Variants in OPLAH observed in about 807,000 individuals in gnomAD.
OPLAH encodes the protein 5-oxoprolinase.
In OPLAH, 103 loss-of-function variants were observed where a neutral mutation model predicts 122.8. The ratio of observed to expected loss-of-function variants is 0.84; its 90% CI spans 0.71 to 0.99. The LOEUF (loss-of-function observed/expected upper bound fraction) is 0.99. OPLAH is among the 50% of genes least tolerant of loss of function. The pLI, the probability that OPLAH is intolerant of heterozygous loss-of-function variation, is 0.00. For missense variants in OPLAH, 1,902 were observed against 1,836.5 expected (o/e 1.04, Z -0.65); for synonymous variants, 875 against 796.0 (o/e 1.10, Z -1.67).
Position 144,052,615 on chromosome 8 carries a change from G to T in OPLAH, c.3154-17C>A, listed in dbSNP as rs782283856. The stretch of plus-strand genomic sequence containing the variant: ...CAGGCAGCCCTGTGCGGGGCGGGCG[G>T]CTCTCAGGAGCTCTTGGGGTGGGCT... On this transcript the variant is annotated splice_polypyrimidine_tract_variant and intron_variant, in intron 22 of 26. Coordinates refer to ENST00000618853, the MANE Select transcript of OPLAH (RefSeq NM_017570.5). The T allele has an allele frequency of 1.3e-6, 2 of 1,576,218 alleles. No individual in the cohort carries two copies. The highest frequency in any genetic ancestry group is 1.8e-5 in the Admixed American group (1 of 56,776).
chr8:144,050,448 C>T, downstream of OPLAH: 1 of 985,686 alleles, frequency 1.0e-6, no homozygotes, highest in Non-Finnish European at 1.2e-6. Flanking sequence ...ACTTCGATAA[C>T]TGCTGGAAAG....
Position 144,053,266 on chromosome 8 carries a change from C to T in OPLAH, c.2814G>A (p.Gly938=). Residue 938 remains glycine (G), a synonymous_variant, in exon 20 of 27, where the codon GGG becomes GGA. Transcript: ENST00000618853. ...AANQKGIQLV[G]ELIGQYGLDV... is the part of the protein sequence containing the mutation. Reference sequence around the variant, plus strand: ...CCAGGCCGTACTGCCCAATGAGCTCCCCCACCAGCTGGATGCCCTTCTGGT... The same window carrying T: ...CCAGGCCGTACTGCCCAATGAGCTCTCCCACCAGCTGGATGCCCTTCTGGT... The T allele has an allele frequency of 1.9e-6, 3 of 1,613,032 alleles. No homozygotes were observed. The highest frequency in any genetic ancestry group is 2.5e-6 in the Non-Finnish European group (3 of 1,179,814).
chr8:144,062,562 C>T (rs1016945950), upstream of OPLAH, among the ~76,000 whole-genome samples: 4 of 152,216 alleles, frequency 2.6e-5, no homozygotes, highest in African/African-American at 9.6e-5. Context: ...CACACTCCTG[C>T]GGGACTGCCC....
At chr8:144,057,369 G>A (rs1554759540) in intron 10 of OPLAH, 49 bp from the exon 11 acceptor site, 1 of 1,583,948 alleles carries the variant, frequency 6.3e-7, no homozygotes, top group South Asian at 1.1e-5. Flanking sequence ...ACCCCATCCA[G>A]CCCCCAGCCT....
rs532544021 is a variant in OPLAH, at chr8:144,055,440, C to T, written c.2249-251G>A. On this transcript the variant is annotated intron_variant, in intron 16 of 26. Transcript: ENST00000618853. The surrounding 1 kb of genome is among the most constrained non-coding windows in gnomAD (Gnocchi z 6.5). ...AGTGCCACCCCTCGACCCTCCCACC[C>T]TGCCTGGCACAGCAAGAACCTGGTT... 4.7e-4 allele frequency among the ~76,000 whole-genome samples: 72 copies of T among 152,278 alleles called. No individual in the cohort carries two copies. The highest frequency in any genetic ancestry group is 1.4e-3 in the African/African-American group (60 of 41,560).
Position 144,059,845 on chromosome 8 carries a change from G to T in OPLAH, c.171+17C>A, listed in dbSNP as rs1450665581. ...CTGGCCGTGGGGTCCCTGTCCACCCGCTCCGCCCTGGCCCACCTGCTCCAG... is the reference window on the plus strand; with the variant it reads ...CTGGCCGTGGGGTCCCTGTCCACCCTCTCCGCCCTGGCCCACCTGCTCCAG... On this transcript the variant is annotated intron_variant, in intron 2 of 26. Transcript: ENST00000618853. 6.2e-7 allele frequency: 1 copy of T among 1,612,178 alleles called. No individual in the cohort carries two copies. Among genetic ancestry groups the T allele is most frequent in the Non-Finnish European group, 8.5e-7 (1 of 1,179,692 alleles).
rs549502677 is a variant in OPLAH at position 144,058,345 on chromosome 8, G to A, written c.843C>T (p.Ser281=). The A allele has an allele frequency of 6.3e-6, 10 of 1,597,230 alleles. No homozygotes were observed. In the African/African-American group the frequency reaches 6.7e-5, roughly 11 times the overall value. ...DGGLAPMDTF[S]GSSAVLSGPA... ...GGCCCGAGAGCACAGCACTGGAGCCGCTGAAGGTGTCCATGGGCGCCAGGC... is the reference window on the plus strand; with the variant it reads ...GGCCCGAGAGCACAGCACTGGAGCCACTGAAGGTGTCCATGGGCGCCAGGC... The change falls in exon 7 of 27, where the codon AGC becomes AGT. Residue 281 remains serine, a synonymous_variant. Coordinates refer to ENST00000618853, the MANE Select transcript of OPLAH (RefSeq NM_017570.5).
At position 144,054,526 on chromosome 8, in the gene OPLAH, C is replaced by T. The variant is rs782182946; in HGVS notation, c.2686+35G>A. On this transcript the variant is annotated intron_variant, in intron 19 of 26. Coordinates refer to ENST00000618853, the MANE Select transcript of OPLAH (RefSeq NM_017570.5). ...GCCAGCAGTGGCCATGTGTCCCAGC[C>T]TACAGAAGGCCTGCCCCACCCCACT... The T allele has an allele frequency of 1.9e-6, 3 of 1,539,636 alleles. No individual in the cohort carries two copies. The South Asian group carries it at 3.8e-5, about 19-fold the overall frequency.
chr8:144,051,720 G>A lies in OPLAH; in HGVS notation c.3720+9C>T. On this transcript the variant is annotated intron_variant, in intron 26 of 26. Transcript: ENST00000618853. The stretch of plus-strand genomic sequence containing the variant: ...AGGGGAGGGGGACAGGACAGGCCGC[G>A]GCCCTTACCCCGGGGTACACGGTCA... The A allele has an allele frequency of 1.3e-6, 2 of 1,591,790 alleles. No homozygotes were observed. The highest frequency in any genetic ancestry group is 2.3e-5 in the South Asian group (2 of 88,384).
chr8:144,050,632 TCG>T, downstream of OPLAH: 3 of 985,392 alleles, frequency 3.0e-6, no homozygotes, highest in Non-Finnish European at 3.6e-6. Flanking sequence ...GCCCTGGGTA[TCG>T]CGCTTGGGGG....
chr8:144,050,395 A>C, downstream of OPLAH: 5 of 985,508 alleles, frequency 5.1e-6, no homozygotes, highest in Non-Finnish European at 6.0e-6. Flanking sequence ...CAGAGAACAA[A>C]GTGGAGAGGT....
In OPLAH at chr8:144,056,139, C is replaced by T. The variant is rs372984548; in HGVS notation, c.2096+8G>A. 8.7e-4 allele frequency: 1,395 copies of T among 1,600,452 alleles called. 1 individual carries two copies. The highest frequency in any genetic ancestry group is 1.2e-3 in the Middle Eastern group (7 of 5,960). ...CACATCCTCCACCCTGGCCGGACTTCAGCCCACCTGTTACTGTCGATGATG... is the reference window on the plus strand; with the variant it reads ...CACATCCTCCACCCTGGCCGGACTTTAGCCCACCTGTTACTGTCGATGATG... On this transcript the variant is annotated splice_region_variant and intron_variant, in intron 15 of 26. Coordinates refer to ENST00000618853, the MANE Select transcript of OPLAH (RefSeq NM_017570.5).
upstream of OPLAH, among the ~76,000 whole-genome samples, chr8:144,061,320 C>T (rs1160384396): frequency 6.6e-6 from 1 of 152,198 alleles, no homozygotes; most frequent in East Asian, 1.9e-4. Context: ...CTGTATCTCC[C>T]AGCCCGGCCA....
downstream of OPLAH, chr8:144,050,602 C>T: frequency 1.0e-6 from 1 of 985,634 alleles, no homozygotes; most frequent in Non-Finnish European, 1.2e-6. Flanking sequence ...CGGCTGGGCA[C>T]GCGCCAAAAG....
intron 1 of OPLAH, 105 bp from the exon 2 acceptor site, chr8:144,060,190 C>T (rs1835634635): frequency 1.3e-5 from 11 of 823,436 alleles, no homozygotes; most frequent in Non-Finnish European, 2.0e-5. Context: ...ACGGGCACGA[C>T]TCTGGGAAGA....
rs1249888578 is a variant in OPLAH at position 144,054,634 on chromosome 8, G to A, written c.2613C>T (p.Ser871=). ...CGGCACCCTCCTGTTGCAGCATGGT[G>A]GAGTGGGGGGGCATGGAGCCTGGTG... ...GITPGSMPPH[S]TMLQQEGAVF... Residue 871 remains serine, a synonymous_variant, in exon 19 of 27, where the codon TCC becomes TCT. Coordinates refer to ENST00000618853, the MANE Select transcript of OPLAH (RefSeq NM_017570.5). 2 of 1,611,416 alleles carry A rather than the reference G, an allele frequency of 1.2e-6. No individual in the cohort carries two copies. The highest frequency in any genetic ancestry group is 1.7e-5 in the Admixed American group (1 of 59,982).
upstream of OPLAH, among the ~76,000 whole-genome samples, chr8:144,061,981 C>G (rs868983401): frequency 8.8e-5 from 13 of 148,286 alleles, no homozygotes; most frequent in African/African-American, 3.0e-4. Context: ...GATCGCACCA[C>G]TGCACTCCAG....
In OPLAH at chr8:144,059,998, A is replaced by G. The variant is rs2129850356; in HGVS notation, c.35T>C (p.Ile12Thr). The change falls in exon 2 of 27, where the codon ATC (isoleucine) becomes ACC (threonine). Residue 12 changes from isoleucine to threonine, a missense_variant. Ile to Thr is a moderately conservative substitution (Grantham distance 89). This residue lies in a region of OPLAH where 168 missense variants were observed against 170.6 expected (regional missense o/e 0.98). Coordinates refer to ENST00000618853, the MANE Select transcript of OPLAH (RefSeq NM_017570.5). ...GSPEGRFHFA[I>T]DRGGTFTDVF... The stretch of plus-strand genomic sequence containing the variant: ...GTCTGTGAAGGTACCCCCACGGTCG[A>G]TGGCAAAGTGGAAGCGGCCCTCGGG... 2 of 1,612,694 alleles carry G rather than the reference A, an allele frequency of 1.2e-6. No homozygotes were observed. Among genetic ancestry groups the G allele is most frequent in the Non-Finnish European group, 1.7e-6 (2 of 1,179,794 alleles).
intron 26 of OPLAH, 24 bp from the exon 27 acceptor site, chr8:144,051,496 G>GGC: frequency 8.0e-7 from 1 of 1,250,488 alleles, no homozygotes; most frequent in African/African-American, 1.9e-5. Flanking sequence ...GGGGGGCGGG[G>GGC]AGGCGGGCTC....
Sources: allele counts gnomAD v4.1 joint callset (sites outside exome capture counted in the v4.1 genomes callset), GRCh38; gene constraint gnomAD v4.1.1; regional missense constraint gnomAD v4.1.1; non-coding constraint Gnocchi (gnomAD v3.1); transcripts MANE v1.5; gene names NCBI Gene and HGNC (gene_info 2026-07-23, HGNC 2026-07-21).